The following HS1BP3 variants were observed in gnomAD, a reference collection of about 807,000 sequenced individuals.
HS1BP3 encodes the protein HCLS1-binding protein 3.
In HS1BP3, 32 loss-of-function variants were observed where a neutral mutation model predicts 33.5. The ratio of observed to expected loss-of-function variants is 0.95; its 90% CI spans 0.72 to 1.28. The LOEUF (loss-of-function observed/expected upper bound fraction) is 1.28, where lower values mean the gene tolerates loss of function less well. Ranked by LOEUF, HS1BP3 falls within the 50% of genes most tolerant of loss-of-function variation. HS1BP3 has a pLI of 0.00. For missense variants in HS1BP3, 486 were observed against 502.3 expected (o/e 0.97, Z 0.31); for synonymous variants, 187 against 209.2 (o/e 0.89, Z 0.92).
chr2:20,610,054 GA>G lies in HS1BP3; in HGVS notation c.179-11790del, dbSNP rs1051758584. Among the ~76,000 whole-genome samples the G allele has an allele frequency of 4.9e-4, 75 of 152,256 alleles. 1 individual carries two copies. Among genetic ancestry groups the G allele is most frequent in the African/African-American group, 1.8e-3 (73 of 41,544 alleles). On this transcript the variant is annotated intron_variant, in intron 2 of 3. Transcript: ENST00000415264. Reference sequence around the variant, plus strand: ...GTGGTTCCTTTTTTATTTTTAAGTAGATTTTTTTTAAAGAGCAGTTTTAGGT... The same window carrying G: ...GTGGTTCCTTTTTTATTTTTAAGTAGTTTTTTTTAAAGAGCAGTTTTAGGT...
At chr2:20,634,298 TGCG>T (rs1695054969) in intron 4 of HS1BP3, among the ~76,000 whole-genome samples, 1 of 152,220 alleles carries the variant, frequency 6.6e-6, no homozygotes. Flanking sequence ...AACAGGAGCT[TGCG>T]GAAGAACCAA....
At chr2:20,622,077 G>A in intron 6 of HS1BP3, 2 of 716,804 alleles carry the variant, frequency 2.8e-6, no homozygotes, top group South Asian at 3.9e-5. Context: ...ACAGCCAGAA[G>A]GAACAAAGCC....
intron 5 of HS1BP3, among the ~76,000 whole-genome samples, chr2:20,568,538 G>T (rs1693190530): frequency 6.6e-6 from 1 of 152,124 alleles, no homozygotes; most frequent in East Asian, 1.9e-4. Flanking sequence ...TTGTAACTGG[G>T]CCCTTTGTCT....
intron 5 of HS1BP3, among the ~76,000 whole-genome samples, chr2:20,562,388 A>G (rs935626499): frequency 6.6e-6 from 1 of 152,192 alleles, no homozygotes; most frequent in African/African-American, 2.4e-5. Context: ...CTGAGGCAGG[A>G]TGATCACTTG....
intron 5 of HS1BP3, among the ~76,000 whole-genome samples, chr2:20,575,733 C>G (rs1228243245): frequency 6.9e-6 from 1 of 145,848 alleles, no homozygotes; most frequent in Non-Finnish European, 1.5e-5. Context: ...GGGGGCCTGG[C>G]AGCAACGCCT....
chr2:20,570,189 T>C (rs1047132450), intron 5 of HS1BP3, among the ~76,000 whole-genome samples: 2 of 152,188 alleles, frequency 1.3e-5, no homozygotes, highest in African/African-American at 4.8e-5. Flanking sequence ...AGAGTTTTTT[T>C]TCCCCCTTCT....
chr2:20,615,938 G>C (rs750788104), downstream of HS1BP3, among the ~76,000 whole-genome samples: 82 of 152,192 alleles, frequency 5.4e-4, no homozygotes, highest in Non-Finnish European at 1.0e-3. Context: ...GTGCTCTCCA[G>C]GGGGGCCCAT....
At chr2:20,579,438 C>G (rs60144473) in intron 5 of HS1BP3, among the ~76,000 whole-genome samples, 3,582 of 152,350 alleles carry the variant, frequency 0.024, 103 homozygotes, top group African/African-American at 0.073. Context: ...GAAAGATCCT[C>G]CGGCACAACA....
chr2:20,558,784 C>T (rs754222448), downstream of HS1BP3, among the ~76,000 whole-genome samples: 2 of 152,172 alleles, frequency 1.3e-5, no homozygotes, highest in African/African-American at 4.8e-5. Flanking sequence ...AGACTCAGCC[C>T]TCCAAGCCTG....
chr2:20,554,525 C>T, the HS1BP3 span, among the ~76,000 whole-genome samples: 1 of 152,116 alleles, frequency 6.6e-6, no homozygotes, highest in African/African-American at 2.4e-5. Flanking sequence ...GAGTTCGAGA[C>T]CAGCCTGGCC....
intron 6 of HS1BP3, among the ~76,000 whole-genome samples, chr2:20,621,175 G>C (rs1422734876): frequency 6.6e-6 from 1 of 152,238 alleles, no homozygotes; most frequent in African/African-American, 2.4e-5. Context: ...CGATACCTCT[G>C]ATCAGGACAA....
chr2:20,637,945 A>T (rs1025536439), intron 4 of HS1BP3: 1 of 176,218 alleles, frequency 5.7e-6, no homozygotes, highest in African/African-American at 2.4e-5. Context: ...CACTGAGGAA[A>T]ACCGAAGAAA....
downstream of HS1BP3, among the ~76,000 whole-genome samples, chr2:20,559,645 TGGATGGATGGGTGC>T (rs1692934196): frequency 8.3e-5 from 2 of 24,154 alleles, no homozygotes; most frequent in Non-Finnish European, 4.4e-4. Flanking sequence ...GGTAGATGGA[TGGATGGATGGGTGC>T]ATGGATGGAT....
chr2:20,643,320 C>G (rs942512012), intron 2 of HS1BP3, among the ~76,000 whole-genome samples: 3 of 152,218 alleles, frequency 2.0e-5, no homozygotes, highest in African/African-American at 7.2e-5. Flanking sequence ...ACCAAGTGGG[C>G]TGGGCGGCTG....
At position 20,641,177 on chromosome 2, in the gene HS1BP3, A is replaced by G; in HGVS notation, c.202T>C (p.Ser68Pro). The G allele has an allele frequency of 1.9e-6, 3 of 1,603,484 alleles. No individual in the cohort carries two copies. The highest frequency in any genetic ancestry group is 2.5e-6 in the Non-Finnish European group (3 of 1,179,684). ...RPEDVVQFLV[S>P]KKYSEIEEFY... ...TCCTCAATCTCGCTGTACTTTTTGG[A>G]GACCTGGAATGAGAGGAGCATGTGG... Residue 68 changes from serine (S) to proline (P), a missense_variant, in exon 3 of 7, where the codon TCC (serine) becomes CCC (proline). Ser to Pro is a moderately conservative substitution (Grantham distance 74). Coordinates refer to ENST00000304031, the MANE Select transcript of HS1BP3 (RefSeq NM_022460.4).
intron 5 of HS1BP3, among the ~76,000 whole-genome samples, chr2:20,585,676 A>G (rs186775503): frequency 6.6e-6 from 1 of 152,316 alleles, no homozygotes; most frequent in East Asian, 1.9e-4. Flanking sequence ...ATCTCCAAAT[A>G]CTAGAAAAAT....
At chr2:20,568,372 G>T (rs1478538410) in intron 5 of HS1BP3, among the ~76,000 whole-genome samples, 1 of 152,164 alleles carries the variant, frequency 6.6e-6, no homozygotes, top group Non-Finnish European at 1.5e-5. Flanking sequence ...GAAGAGCAGG[G>T]TCAGCACGTG....
intron 4 of HS1BP3, 136 bp from the exon 5 acceptor site, chr2:20,625,028 A>T: frequency 9.5e-7 from 1 of 1,047,576 alleles, no homozygotes; most frequent in South Asian, 1.4e-5. Flanking sequence ...GGCCAGAGGG[A>T]CCAGGGAAGT....
At chr2:20,574,038 C>T (rs1693340179) in intron 5 of HS1BP3, among the ~76,000 whole-genome samples, 1 of 152,236 alleles carries the variant, frequency 6.6e-6, no homozygotes, top group Non-Finnish European at 1.5e-5. Flanking sequence ...CTAGGTCCTT[C>T]CTGTGTGGGT....
Sources: gnomAD v4.1 joint callset for allele counts (sites outside exome capture counted in the v4.1 genomes callset) on GRCh38, gnomAD v4.1.1 for gene constraint, MANE v1.5 for transcripts, NCBI Gene and HGNC (gene_info 2026-07-23, HGNC 2026-07-21) for gene names.